The following CSMD1 variants were observed in gnomAD, a reference collection of about 807,000 sequenced individuals.
The protein encoded by CSMD1 is CUB and sushi domain-containing protein 1.
CSMD1 carries 213 observed loss-of-function variants against 417.5 expected under a neutral mutation model. That is an observed-to-expected ratio of 0.51 (90% CI 0.46 to 0.57). CSMD1 has a LOEUF of 0.57. Among genes scored for constraint, CSMD1 ranks in the 20% least tolerant of loss-of-function variants. The pLI is 0.00. For missense variants in CSMD1, 6,923 were observed against 4,529.7 expected (o/e 1.53, Z -15.17); for synonymous variants, 2,862 against 1,736.8 (o/e 1.65, Z -16.11).
At chr8:3,913,293 A>T (rs532579096) in intron 5 of CSMD1, among the ~76,000 whole-genome samples, 2 of 152,202 alleles carry the variant, frequency 1.3e-5, no homozygotes, top group South Asian at 4.2e-4. Context: ...TTGTCAAAGG[A>T]TCCTGTGAGG....
chr8:4,023,027 C>A (rs1200304972), intron 4 of CSMD1, among the ~76,000 whole-genome samples: 19 of 152,172 alleles, frequency 1.2e-4, no homozygotes, highest in Non-Finnish European at 2.8e-4. Context: ...TTTTCTTCTT[C>A]CTGAGCTCAC....
chr8:4,979,004 T>A (rs974133283), intron 1 of CSMD1, among the ~76,000 whole-genome samples: 1 of 152,170 alleles, frequency 6.6e-6, no homozygotes, highest in Non-Finnish European at 1.5e-5. Context: ...ACCTTAAAAA[T>A]CTACTTTGAA....
At chr8:3,034,267 T>C (rs1005882512) in intron 50 of CSMD1, among the ~76,000 whole-genome samples, 7 of 152,052 alleles carry the variant, frequency 4.6e-5, no homozygotes, top group Middle Eastern at 3.2e-3. Flanking sequence ...TTTTTTGTCC[T>C]TTTTTAACTG....
intron 9 of CSMD1, among the ~76,000 whole-genome samples, chr8:3,581,396 G>C (rs1234241976): frequency 6.6e-6 from 1 of 152,164 alleles, no homozygotes; most frequent in African/African-American, 2.4e-5. Flanking sequence ...CCATTCATCT[G>C]TTTGGTAACA....
chr8:3,319,131 T>TC (rs1365964599), intron 23 of CSMD1, among the ~76,000 whole-genome samples: 2 of 152,086 alleles, frequency 1.3e-5, no homozygotes, highest in Admixed American at 6.6e-5. Context: ...AGAAGTAACT[T>TC]CCTTGCTGAA....
chr8:3,719,064 C>G (rs371254941), intron 6 of CSMD1, among the ~76,000 whole-genome samples: 39 of 152,250 alleles, frequency 2.6e-4, no homozygotes, highest in African/African-American at 8.7e-4. Context: ...AGAAAACCCT[C>G]CTGAGGTGGA....
chr8:3,160,634 T>TA (rs1161388334), intron 38 of CSMD1, among the ~76,000 whole-genome samples: 1 of 152,246 alleles, frequency 6.6e-6, no homozygotes, highest in Non-Finnish European at 1.5e-5. Context: ...AAGATGGTGT[T>TA]ATAATGTAAG....
intron 3 of CSMD1, among the ~76,000 whole-genome samples, chr8:4,183,323 A>G (rs1002045507): frequency 6.6e-6 from 1 of 152,182 alleles, no homozygotes; most frequent in Admixed American, 6.5e-5. Flanking sequence ...ATTTAAAATA[A>G]TTTATTCATG....
At chr8:4,878,296 G>A (rs779912202) in intron 1 of CSMD1, among the ~76,000 whole-genome samples, 6 of 151,990 alleles carry the variant, frequency 3.9e-5, no homozygotes, top group Non-Finnish European at 7.4e-5. Flanking sequence ...TTAACACAAC[G>A]CGAGGCAATT....
At chr8:3,247,398 C>A (rs13269927) in intron 26 of CSMD1, among the ~76,000 whole-genome samples, 51 of 152,176 alleles carry the variant, frequency 3.4e-4, no homozygotes, top group Middle Eastern at 3.4e-3. Context: ...CATTGTGACC[C>A]CTCTGCTGAC....
intron 7 of CSMD1, among the ~76,000 whole-genome samples, chr8:3,669,333 C>A (rs1037832908): frequency 6.6e-6 from 1 of 152,168 alleles, no homozygotes; most frequent in East Asian, 1.9e-4. Context: ...ATTTCCTTCT[C>A]AGGCCCATGC....
intron 2 of CSMD1, among the ~76,000 whole-genome samples, chr8:4,433,328 C>T (rs1234630906): frequency 6.6e-6 from 1 of 152,136 alleles, no homozygotes; most frequent in African/African-American, 2.4e-5. Context: ...TCCCTGGCAC[C>T]AGAAAGGTTG....
At chr8:3,139,757 C>T (rs1164529977) in intron 41 of CSMD1, among the ~76,000 whole-genome samples, 1 of 151,846 alleles carries the variant, frequency 6.6e-6, no homozygotes, top group Non-Finnish European at 1.5e-5. Context: ...ATTCAAGATG[C>T]TATTGGGGAA....
At chr8:3,731,991 C>T (rs1314302897) in intron 6 of CSMD1, among the ~76,000 whole-genome samples, 2 of 152,142 alleles carry the variant, frequency 1.3e-5, no homozygotes, top group African/African-American at 4.8e-5. Flanking sequence ...ATTTAAAGAA[C>T]AGCAGCAACA....
At chr8:4,578,001 C>T (rs924828231) in intron 2 of CSMD1, among the ~76,000 whole-genome samples, 3 of 152,152 alleles carry the variant, frequency 2.0e-5, no homozygotes, top group Non-Finnish European at 2.9e-5. Context: ...TCGGGGATCA[C>T]ATATTTGGTG....
chr8:4,120,195 C>T (rs937893050), intron 3 of CSMD1, among the ~76,000 whole-genome samples: 6 of 151,992 alleles, frequency 3.9e-5, no homozygotes, highest in South Asian at 2.1e-4. Context: ...ATTGTGTATC[C>T]ACAAAATTTA....
At chr8:4,862,836 C>G (rs903885074) in intron 1 of CSMD1, among the ~76,000 whole-genome samples, 4 of 151,964 alleles carry the variant, frequency 2.6e-5, no homozygotes, top group African/African-American at 7.3e-5. Flanking sequence ...GAAGACCTCC[C>G]AAGTGTGACT....
chr8:4,003,217 C>T (rs187557694), intron 4 of CSMD1, among the ~76,000 whole-genome samples: 195 of 152,010 alleles, frequency 1.3e-3, no homozygotes, highest in Non-Finnish European at 1.9e-3. Context: ...CATGGTGAAA[C>T]CCCCTCTCTA....
chr8:3,440,474 A>C (rs1034511933), intron 12 of CSMD1, among the ~76,000 whole-genome samples: 1 of 152,164 alleles, frequency 6.6e-6, no homozygotes, highest in Admixed American at 6.6e-5. Context: ...AATACAGTAG[A>C]TTTTGTTGTT....
Sources: allele counts gnomAD v4.1 joint callset (sites outside exome capture counted in the v4.1 genomes callset), GRCh38; gene constraint gnomAD v4.1.1; transcripts MANE v1.5; gene names NCBI Gene and HGNC (gene_info 2026-07-23, HGNC 2026-07-21).